The following BNC2 variants were observed in gnomAD, a reference collection of about 807,000 sequenced individuals.
BNC2 encodes zinc finger protein basonuclin-2.
Under a neutral mutation model 76.3 loss-of-function variants are expected in BNC2, and 20 were observed. That is an observed-to-expected ratio of 0.26 (90% CI 0.18 to 0.38). BNC2 has a LOEUF of 0.38. Among genes scored for constraint, BNC2 ranks in the 10% least tolerant of loss-of-function variants. The pLI, the probability that BNC2 is intolerant of heterozygous loss-of-function variation, is 1.00. For missense variants in BNC2, 1,382 were observed against 1,399.8 expected (o/e 0.99, Z 0.20); for synonymous variants, 582 against 514.8 (o/e 1.13, Z -1.77).
intron 5 of BNC2, among the ~76,000 whole-genome samples, chr9:16,496,703 G>C (rs921906750): frequency 6.6e-6 from 1 of 152,106 alleles, no homozygotes; most frequent in Non-Finnish European, 1.5e-5. Context: ...TGTTTATCAG[G>C]AGCAGGGGAT....
chr9:16,419,131 T>A lies in BNC2; in HGVS notation c.3158A>T (p.His1053Leu). The change falls in exon 7 of 7, where the codon CAC becomes CTC. Residue 1053 changes from histidine (H) to leucine (L), a missense_variant. Physicochemically the swap from His to Leu is moderately conservative, Grantham distance 99. Coordinates refer to ENST00000380672, the MANE Select transcript of BNC2 (RefSeq NM_017637.6). ...TTCTCTCAAATGCACAGTTTTGTAG[T>A]GCACTCTCAGGGTCCCCTTGTTGCT... ...MYSNKGTLRVHYKTVHLREMH... is the reference protein window; with the variant it reads ...MYSNKGTLRVLYKTVHLREMH... The A allele has an allele frequency of 6.2e-7, 1 of 1,614,214 alleles. No homozygotes were observed. The highest frequency in any genetic ancestry group is 8.5e-7 in the Non-Finnish European group (1 of 1,180,042).
At chr9:16,770,908 C>G (rs948651176) in intron 1 of BNC2, among the ~76,000 whole-genome samples, 1 of 152,054 alleles carries the variant, frequency 6.6e-6, no homozygotes, top group South Asian at 2.1e-4. Context: ...CGGTGGCTCA[C>G]GCCTATAATC....
chr9:16,511,617 C>T (rs1000069703), intron 5 of BNC2, among the ~76,000 whole-genome samples: 2 of 150,916 alleles, frequency 1.3e-5, no homozygotes, highest in African/African-American at 4.9e-5. Flanking sequence ...TTTGTAGAGA[C>T]GGGGTTTCGC....
At chr9:16,439,555 C>T (rs901215560) in intron 5 of BNC2, among the ~76,000 whole-genome samples, 1 of 152,132 alleles carries the variant, frequency 6.6e-6, no homozygotes, top group Non-Finnish European at 1.5e-5. Flanking sequence ...TAGGATGTTA[C>T]ACTAGGGGAA....
chr9:16,710,663 A>G (rs966364711), intron 3 of BNC2, among the ~76,000 whole-genome samples: 2 of 152,080 alleles, frequency 1.3e-5, no homozygotes, highest in African/African-American at 4.8e-5. Flanking sequence ...ATGAATTACC[A>G]TTCCTGTCTG....
At chr9:16,705,329 C>A (rs764204708) in intron 3 of BNC2, among the ~76,000 whole-genome samples, 1 of 152,300 alleles carries the variant, frequency 6.6e-6, no homozygotes, top group Non-Finnish European at 1.5e-5. Context: ...GCTTTTTTGG[C>A]CGCGCTGGGC....
chr9:16,439,170 T>C (rs1244563303), intron 5 of BNC2, among the ~76,000 whole-genome samples: 1 of 152,204 alleles, frequency 6.6e-6, no homozygotes, highest in Non-Finnish European at 1.5e-5. Context: ...TGTGGAATTA[T>C]GAGTCCATTA....
At chr9:16,783,793 A>T (rs1325269899) in intron 1 of BNC2, among the ~76,000 whole-genome samples, 1 of 152,208 alleles carries the variant, frequency 6.6e-6, no homozygotes, top group African/African-American at 2.4e-5. Context: ...ATGAAATCGC[A>T]AAGCTATATT....
intron 3 of BNC2, among the ~76,000 whole-genome samples, chr9:16,636,697 A>G (rs1453571111): frequency 6.6e-6 from 1 of 152,102 alleles, no homozygotes; most frequent in Non-Finnish European, 1.5e-5. Context: ...AAAGAACAAC[A>G]AGAAAATACC....
chr9:16,473,055 T>C (rs1276107339), intron 5 of BNC2: 1 of 152,238 alleles, frequency 6.6e-6, no homozygotes, highest in Admixed American at 6.5e-5. Context: ...GAGACTACTT[T>C]GGAGCTAAGC....
intron 2 of BNC2, among the ~76,000 whole-genome samples, chr9:16,732,032 G>C (rs565401722): frequency 3.9e-5 from 6 of 151,988 alleles, no homozygotes; most frequent in Non-Finnish European, 5.9e-5. Context: ...CACCAGCAGA[G>C]TAAAAAAGTG....
At chr9:16,424,817 T>G (rs948803015) in intron 6 of BNC2, among the ~76,000 whole-genome samples, 8 of 152,224 alleles carry the variant, frequency 5.3e-5, no homozygotes, top group Non-Finnish European at 1.0e-4. Context: ...CCTTCATTAG[T>G]CCTTTTCTTA....
intron 5 of BNC2, among the ~76,000 whole-genome samples, chr9:16,506,670 C>T (rs1363589256): frequency 1.3e-5 from 2 of 151,650 alleles, no homozygotes; most frequent in African/African-American, 4.8e-5. Flanking sequence ...GGATTACAGT[C>T]ACCCGCCACC....
intron 1 of BNC2, among the ~76,000 whole-genome samples, chr9:16,827,860 G>A (rs1317420797): frequency 6.6e-6 from 1 of 152,114 alleles, no homozygotes; most frequent in Non-Finnish European, 1.5e-5. Flanking sequence ...ATGATTAATG[G>A]CAACATGTAT....
chr9:16,506,086 A>C (rs142172079), intron 5 of BNC2, among the ~76,000 whole-genome samples: 5 of 152,290 alleles, frequency 3.3e-5, no homozygotes, highest in African/African-American at 9.6e-5. Flanking sequence ...TGGGCCATGA[A>C]AGCTTTTAAA....
intron 1 of BNC2, among the ~76,000 whole-genome samples, chr9:16,810,440 C>T (rs1189259055): frequency 6.6e-6 from 1 of 152,228 alleles, no homozygotes; most frequent in Non-Finnish European, 1.5e-5. Context: ...AGGCGTCCCA[C>T]AGAGCTGTTT....
chr9:16,833,989 C>A (rs549480826), intron 1 of BNC2, among the ~76,000 whole-genome samples: 1 of 152,262 alleles, frequency 6.6e-6, no homozygotes, highest in African/African-American at 2.4e-5. Flanking sequence ...ATACTCAGCA[C>A]CCTCTACCTT....
intron 4 of BNC2, among the ~76,000 whole-genome samples, chr9:16,569,461 C>T (rs1819258562): frequency 6.6e-6 from 1 of 152,124 alleles, no homozygotes; most frequent in South Asian, 2.1e-4. Flanking sequence ...CACTGAGCTC[C>T]ACTCGAGACT....
At chr9:16,529,633 T>C (rs1258534938) in intron 5 of BNC2, among the ~76,000 whole-genome samples, 1 of 152,152 alleles carries the variant, frequency 6.6e-6, no homozygotes, top group African/African-American at 2.4e-5. Context: ...TAGATGATGA[T>C]TACTAGTTGT....
Sources: gnomAD v4.1 joint callset for allele counts (sites outside exome capture counted in the v4.1 genomes callset) on GRCh38, gnomAD v4.1.1 for gene constraint, MANE v1.5 for transcripts, NCBI Gene and HGNC (gene_info 2026-07-23, HGNC 2026-07-21) for gene names.